TTYH2: variants seen among roughly 807,000 people sequenced by gnomAD.
TTYH2 encodes tweety family member 2.
TTYH2 carries 49 observed loss-of-function variants against 68.3 expected under a neutral mutation model. That is an observed-to-expected ratio of 0.72 (90% CI 0.57 to 0.91). TTYH2 has a LOEUF of 0.91. TTYH2 is among the 40% of genes least tolerant of loss of function. TTYH2 has a pLI of 0.00. For missense variants in TTYH2, 631 were observed against 700.4 expected (o/e 0.90, Z 1.12); for synonymous variants, 272 against 300.8 (o/e 0.90, Z 0.99).
At position 74,213,816 on chromosome 17, in the gene TTYH2, A is replaced by C; in HGVS notation, c.129+100A>C. 7 of 1,417,396 alleles carry C rather than the reference A, an allele frequency of 4.9e-6. No homozygotes were observed. In the South Asian group the frequency reaches 6.6e-5, roughly 13 times the overall value. 87.8% of individuals were successfully genotyped at this position (1,417,396 alleles called of 1,614,324 possible). ...CTGCACTTTCCCACGTGCCTCTCAG[A>C]CCCCTTCTCTCCCCGCGCAGCCCTT... On this transcript the variant is annotated intron_variant, in intron 1 of 13. Transcript: ENST00000269346. The surrounding 1 kb of genome is among the most constrained non-coding windows in gnomAD (Gnocchi z 6.1).
At chr17:74,237,656 T>A in intron 4 of TTYH2, 142 bp downstream of exon 4, 1 of 714,740 alleles carries the variant, frequency 1.4e-6, no homozygotes, top group Non-Finnish European at 2.2e-6. Flanking sequence ...AGACAGAGTC[T>A]TGCTCTGTTG....
chr17:74,213,583 G>A lies in TTYH2; in HGVS notation c.-5G>A, dbSNP rs1278206196. ...TCAGCTTGTGGGTAGCACTCGGGCC[G>A]AGCCATGCAGGCGGCGCGCGTGGAC... On this transcript the variant is annotated 5_prime_UTR_variant, in exon 1 of 14. Coordinates refer to ENST00000269346, the MANE Select transcript of TTYH2 (RefSeq NM_032646.6). This position sits in a 1 kb window ranked among gnomAD's most constrained non-coding sequence, Gnocchi z 6.1. The A allele has an allele frequency of 6.2e-7, 1 of 1,609,206 alleles. No individual in the cohort carries two copies. The highest frequency in any genetic ancestry group is 1.1e-5 in the South Asian group (1 of 90,648).
At chr17:74,257,911 T>C (rs2143789534) in intron 13 of TTYH2, among the ~76,000 whole-genome samples, 1 of 152,212 alleles carries the variant, frequency 6.6e-6, no homozygotes, top group Admixed American at 6.5e-5. Flanking sequence ...CCCAGCACTT[T>C]GGGAGGCCAA....
rs981971592 is a variant in TTYH2 at position 74,215,295 on chromosome 17, T to C, written c.129+1579T>C. Among the ~76,000 whole-genome samples the C allele has an allele frequency of 4.6e-5, 7 of 152,142 alleles. No individual in the cohort carries two copies. Among genetic ancestry groups the C allele is most frequent in the African/African-American group, 7.2e-5 (3 of 41,508 alleles). ...CACTGGAGGAAATCTAAACTTTTCA[T>C]TGGGTCAAGAAGACCCCTAGGTGGG... On this transcript the variant is annotated intron_variant, in intron 1 of 13. Transcript: ENST00000269346. This position sits in a 1 kb window ranked among gnomAD's most constrained non-coding sequence, Gnocchi z 4.3.
rs2050283987 is a variant in TTYH2 at position 74,222,371 on chromosome 17, A to G, written c.130-114A>G. The G allele has an allele frequency of 1.6e-6, 2 of 1,258,020 alleles. No individual in the cohort carries two copies. The highest frequency in any genetic ancestry group is 2.2e-6 in the Non-Finnish European group (2 of 923,492). The allele number at this position is 1,258,020 out of a possible 1,614,324, so 77.9% of individuals were successfully genotyped here. A position where few individuals can be genotyped will look rare whatever the true frequency, so the allele number is the denominator to read the frequency against. ...TGAACCCTAGGTGGAGCTTGGAAGGATGGACGAGAGATGCAGCTCAGGCAG... is the reference window on the plus strand; with the variant it reads ...TGAACCCTAGGTGGAGCTTGGAAGGGTGGACGAGAGATGCAGCTCAGGCAG... On this transcript the variant is annotated intron_variant, in intron 1 of 13. Transcript: ENST00000269346. The surrounding 1 kb of genome is among the most constrained non-coding windows in gnomAD (Gnocchi z 5.2).
chr17:74,243,586 C>A, intron 5 of TTYH2, 117 bp downstream of exon 5: 2 of 1,021,464 alleles, frequency 2.0e-6, no homozygotes, highest in Non-Finnish European at 3.0e-6. Context: ...CTGCCTGAGG[C>A]CACCTTCTGC....
At chr17:74,219,693 C>T (rs1263559678) in intron 1 of TTYH2, among the ~76,000 whole-genome samples, 1 of 152,190 alleles carries the variant, frequency 6.6e-6, no homozygotes, top group Non-Finnish European at 1.5e-5. Context: ...GTCTGGCTTT[C>T]TCTCTCAACC....
chr17:74,222,388 C>A lies in TTYH2; in HGVS notation c.130-97C>A, dbSNP rs2050284151. ...TTGGAAGGATGGACGAGAGATGCAG[C>A]TCAGGCAGTGGGGCACTCAGGGCCC... On this transcript the variant is annotated intron_variant, in intron 1 of 13. Coordinates refer to ENST00000269346, the MANE Select transcript of TTYH2 (RefSeq NM_032646.6). This position sits in a 1 kb window ranked among gnomAD's most constrained non-coding sequence, Gnocchi z 5.2. 7.3e-7 allele frequency: 1 copy of A among 1,376,350 alleles called. No individual in the cohort carries two copies. The highest frequency in any genetic ancestry group is 1.4e-5 in the South Asian group (1 of 71,320). The allele number at this position is 1,376,350 out of a possible 1,614,324, so 85.3% of individuals were successfully genotyped here.
chr17:74,242,941 G>A (rs2050516642), intron 4 of TTYH2, among the ~76,000 whole-genome samples: 1 of 152,208 alleles, frequency 6.6e-6, no homozygotes, highest in South Asian at 2.1e-4. Context: ...GCTGTCCAGG[G>A]TGGTAGCCCC....
At chr17:74,259,463 C>T (rs888842851) in intron 13 of TTYH2, among the ~76,000 whole-genome samples, 6 of 152,118 alleles carry the variant, frequency 3.9e-5, no homozygotes, top group African/African-American at 1.4e-4. Context: ...GATCCTCCTG[C>T]CTCTGTCTCC....
intron 3 of TTYH2, among the ~76,000 whole-genome samples, chr17:74,233,795 G>A (rs1251304349): frequency 6.6e-6 from 1 of 152,104 alleles, no homozygotes; most frequent in Non-Finnish European, 1.5e-5. Context: ...GGAGTAGAGA[G>A]GAGTCGTTTT....
intron 13 of TTYH2, among the ~76,000 whole-genome samples, chr17:74,258,140 T>G (rs895900204): frequency 8.0e-5 from 12 of 150,524 alleles, no homozygotes; most frequent in African/African-American, 2.7e-4. Context: ...GGTGACAGAG[T>G]GAGATTCTGT....
At chr17:74,243,245 T>TGGC (rs2143759684) in intron 4 of TTYH2, 129 bp from the exon 5 acceptor site, 1 of 755,162 alleles carries the variant, frequency 1.3e-6, no homozygotes, top group East Asian at 2.6e-5. Context: ...GGGTGCTTGC[T>TGGC]GGCTCTGGGC....
At chr17:74,227,162 A>T (rs1461220991) in intron 2 of TTYH2, among the ~76,000 whole-genome samples, 1 of 152,108 alleles carries the variant, frequency 6.6e-6, no homozygotes, top group Non-Finnish European at 1.5e-5. Context: ...TTTAGTAGAG[A>T]TGGGGTTTTG....
chr17:74,231,080 C>G (rs890153084), intron 3 of TTYH2, 81 bp downstream of exon 3: 1 of 1,298,416 alleles, frequency 7.7e-7, no homozygotes. Context: ...CCGTCAGATC[C>G]CAGCTAGCTC....
At position 74,250,006 on chromosome 17, in the gene TTYH2, T is replaced by A; in HGVS notation, c.1001T>A (p.Val334Glu). Reference sequence around the variant, plus strand: ...GTCGCGGGGCTGCTGCAGTTTGCCGTGCCCCTCTTCTCCACTGCAGAGGTA... The same window carrying A: ...GTCGCGGGGCTGCTGCAGTTTGCCGAGCCCCTCTTCTCCACTGCAGAGGTA... Reference protein sequence around the residue: ...IQVAGLLQFAVPLFSTAEEDL... With the variant: ...IQVAGLLQFAEPLFSTAEEDL... The change falls in exon 9 of 14, where the codon GTG (valine) becomes GAG (glutamate). Residue 334 changes from valine to glutamate, a missense_variant. Val to Glu is a moderately radical substitution (Grantham distance 121). Transcript: ENST00000269346. 1 of 1,614,088 alleles carries A rather than the reference T, an allele frequency of 6.2e-7. No homozygotes were observed. Among genetic ancestry groups the A allele is most frequent in the Middle Eastern group, 1.6e-4 (1 of 6,062 alleles).
intron 7 of TTYH2, 44 bp from the exon 8 acceptor site, chr17:74,249,300 C>G: frequency 1.2e-6 from 2 of 1,612,952 alleles, no homozygotes; most frequent in South Asian, 2.2e-5. Flanking sequence ...GAGATCTCAT[C>G]TGGTCATTTG....
At chr17:74,226,494 C>A (rs768834206) in intron 2 of TTYH2, among the ~76,000 whole-genome samples, 1 of 152,060 alleles carries the variant, frequency 6.6e-6, no homozygotes, top group African/African-American at 2.4e-5. Context: ...GGTCATTGGT[C>A]GCCTTCCTTG....
intron 6 of TTYH2, among the ~76,000 whole-genome samples, chr17:74,245,295 G>A (rs2050545592): frequency 6.6e-6 from 1 of 152,372 alleles, no homozygotes; most frequent in Admixed American, 6.5e-5. Context: ...AAGCATGCAG[G>A]AGCTGGGACG....
Sources: allele counts gnomAD v4.1 joint callset (sites outside exome capture counted in the v4.1 genomes callset), GRCh38; gene constraint gnomAD v4.1.1; non-coding constraint Gnocchi (gnomAD v3.1); transcripts MANE v1.5; gene names NCBI Gene and HGNC (gene_info 2026-07-23, HGNC 2026-07-21).